The following GRIN3A variants were observed in gnomAD, a reference collection of about 807,000 sequenced individuals.
The protein encoded by GRIN3A is glutamate ionotropic receptor NMDA type subunit 3A, also known as glutamate receptor ionotropic, NMDA 3A.
A neutral mutation model predicts 92.4 loss-of-function variants in GRIN3A; 47 were observed. The ratio of observed to expected loss-of-function variants is 0.51; its 90% CI spans 0.40 to 0.65. GRIN3A has a LOEUF of 0.65. Ranked by LOEUF, GRIN3A falls within the 30% of genes least tolerant of loss-of-function variation. The pLI is 0.00. For missense variants in GRIN3A, 1,324 were observed against 1,393.1 expected, an observed-to-expected ratio of 0.95 and a Z score of 0.79; for synonymous variants, 527 against 540.6, an observed-to-expected ratio of 0.97 and a Z score of 0.35.
At chr9:101,621,624 T>G (rs2118866013) in intron 5 of GRIN3A, among the ~76,000 whole-genome samples, 1 of 152,304 alleles carries the variant, frequency 6.6e-6, no homozygotes, top group East Asian at 1.9e-4. Context: ...TGTTGGGAAC[T>G]GCAAGACACT....
chr9:101,676,490 T>C (rs908532715), intron 2 of GRIN3A, among the ~76,000 whole-genome samples: 1 of 152,006 alleles, frequency 6.6e-6, no homozygotes, highest in Non-Finnish European at 1.5e-5. Flanking sequence ...CCCATGATCA[T>C]CTCATCATAT....
At chr9:101,714,608 C>T (rs1262848591) in intron 1 of GRIN3A, among the ~76,000 whole-genome samples, 3 of 152,020 alleles carry the variant, frequency 2.0e-5, no homozygotes, top group Admixed American at 6.6e-5. Flanking sequence ...AACTATTTGG[C>T]CACCTGATGT....
intron 6 of GRIN3A, among the ~76,000 whole-genome samples, chr9:101,598,874 G>T (rs1385701862): frequency 1.3e-5 from 2 of 152,184 alleles, no homozygotes; most frequent in Non-Finnish European, 2.9e-5. Context: ...CTTGAGAAAT[G>T]CAGTAACCAA....
chr9:101,689,730 GCACA>G, intron 1 of GRIN3A, among the ~76,000 whole-genome samples: 1 of 139,008 alleles, frequency 7.2e-6, no homozygotes, highest in Admixed American at 7.6e-5. Flanking sequence ...GCATACACAT[GCACA>G]CACACACATA....
At chr9:101,585,181 A>G (rs905382582) in intron 6 of GRIN3A, among the ~76,000 whole-genome samples, 5 of 152,228 alleles carry the variant, frequency 3.3e-5, no homozygotes, top group Non-Finnish European at 4.4e-5. Context: ...TTTTCACCTT[A>G]TTCATGTATC....
chr9:101,627,548 G>A (rs1429020467), intron 4 of GRIN3A, among the ~76,000 whole-genome samples: 1 of 152,038 alleles, frequency 6.6e-6, no homozygotes. Context: ...TGATTCCATC[G>A]AGCAGGAGGG....
intron 8 of GRIN3A, among the ~76,000 whole-genome samples, chr9:101,574,569 A>C (rs566706339): frequency 6.6e-6 from 1 of 152,214 alleles, no homozygotes; most frequent in South Asian, 2.1e-4. Context: ...CTGGAAGGAG[A>C]AGGGGAAAGA....
At chr9:101,702,446 C>T (rs887027973) in intron 1 of GRIN3A, among the ~76,000 whole-genome samples, 2 of 152,174 alleles carry the variant, frequency 1.3e-5, no homozygotes, top group African/African-American at 2.4e-5. Flanking sequence ...TATGACTCAC[C>T]TCTACATACC....
rs145462331 is a variant in GRIN3A, at chr9:101,613,648, A to G, written c.2615-121T>C. 234 of 898,434 alleles carry G rather than the reference A, an allele frequency of 2.6e-4. 1 individual carries two copies. In the East Asian group the frequency reaches 4.0e-3, roughly 15 times the overall value. 55.7% of individuals were successfully genotyped at this position (898,434 alleles called of 1,614,324 possible). A position where few individuals can be genotyped will look rare whatever the true frequency, so the allele number is the denominator to read the frequency against. On this transcript the variant is annotated intron_variant, in intron 5 of 8. Transcript: ENST00000361820. The stretch of plus-strand genomic sequence containing the variant: ...AAAAGGGCGTGATGAGTTTTCATCA[A>G]CTTTCTTTCAAAGCACTCAAAGACA...
intron 6 of GRIN3A, among the ~76,000 whole-genome samples, chr9:101,588,018 A>G (rs1181062993): frequency 6.6e-6 from 1 of 152,194 alleles, no homozygotes; most frequent in Non-Finnish European, 1.5e-5. Flanking sequence ...GTGTCTATAC[A>G]TATGGCCCCT....
chr9:101,616,925 G>A (rs1031739363), intron 5 of GRIN3A, among the ~76,000 whole-genome samples: 9 of 150,424 alleles, frequency 6.0e-5, no homozygotes, highest in African/African-American at 1.9e-4. Context: ...AAAGGGCCGG[G>A]CGCAGTGGCT....
Position 101,613,396 on chromosome 9 carries a change from T to C in GRIN3A, c.2746A>G (p.Arg916Gly), listed in dbSNP as rs763532192. The C allele has an allele frequency of 9.9e-6, 16 of 1,614,112 alleles. No homozygotes were observed. Among genetic ancestry groups the C allele is most frequent in the Non-Finnish European group, 1.4e-5 (16 of 1,180,038 alleles). ...CATACCTCCGTGACAGCAAAACTTC[T>C]CTTGCCACAGGGAACCACCCTGTAC... ...KWYRVVPCGK[R>G]SFAVTETLQM... is the part of the protein sequence containing the mutation. Residue 916 changes from arginine to glycine, a missense_variant, in exon 6 of 9, where the codon AGA becomes GGA. Arg to Gly is a moderately radical substitution (Grantham distance 125). Transcript: ENST00000361820.
intron 5 of GRIN3A, among the ~76,000 whole-genome samples, chr9:101,616,527 A>G (rs1828455778): frequency 1.3e-5 from 2 of 152,098 alleles, no homozygotes; most frequent in Non-Finnish European, 2.9e-5. Flanking sequence ...AGCAACAAAT[A>G]ATGTTATTAG....
At chr9:101,707,046 A>G (rs1398917507) in intron 1 of GRIN3A, among the ~76,000 whole-genome samples, 1 of 152,356 alleles carries the variant, frequency 6.6e-6, no homozygotes, top group African/African-American at 2.4e-5. Flanking sequence ...CAATTATTCA[A>G]CAGCCGCTAA....
At chr9:101,717,018 A>G (rs1196999406) in intron 1 of GRIN3A, among the ~76,000 whole-genome samples, 2 of 152,082 alleles carry the variant, frequency 1.3e-5, no homozygotes, top group Non-Finnish European at 2.9e-5. Flanking sequence ...ATTATTTGGG[A>G]CTGTTTTGGA....
chr9:101,594,975 C>T, intron 6 of GRIN3A: 2 of 1,526,060 alleles, frequency 1.3e-6, no homozygotes, highest in Non-Finnish European at 1.8e-6. Context: ...GGAGCAGGGG[C>T]GGTGAGCTCG....
chr9:101,627,384 A>G (rs376380459), intron 4 of GRIN3A, among the ~76,000 whole-genome samples: 1 of 152,140 alleles, frequency 6.6e-6, no homozygotes, highest in South Asian at 2.1e-4. Flanking sequence ...GTTCCATGAA[A>G]TTATTTATTT....
chr9:101,737,876 G>A lies in GRIN3A; in HGVS notation c.104C>T (p.Pro35Leu). The change falls in exon 1 of 9, where the codon CCG becomes CTG. Residue 35 changes from proline (P) to leucine (L), a missense_variant. Pro to Leu is a moderately conservative substitution (Grantham distance 98). Transcript: ENST00000361820. ...GCGCTTGAGGATCTGGCAGGGCTGCGGGTGCGAGGAGGAGCTGGGCACCCC... is the reference window on the plus strand; with the variant it reads ...GCGCTTGAGGATCTGGCAGGGCTGCAGGTGCGAGGAGGAGCTGGGCACCCC... ...LAGVPSSSSH[P>L]QPCQILKRIG... The A allele has an allele frequency of 6.5e-7, 1 of 1,534,124 alleles. No individual in the cohort carries two copies. The highest frequency in any genetic ancestry group is 8.7e-7 in the Non-Finnish European group (1 of 1,146,604).
chr9:101,595,849 G>A (rs1040415151), intron 6 of GRIN3A, among the ~76,000 whole-genome samples: 1 of 151,848 alleles, frequency 6.6e-6, no homozygotes, highest in African/African-American at 2.4e-5. Flanking sequence ...TTGGGGGAAG[G>A]TCTGCAATGT....
Sources: gnomAD v4.1 joint callset for allele counts (sites outside exome capture counted in the v4.1 genomes callset) on GRCh38, gnomAD v4.1.1 for gene constraint, MANE v1.5 for transcripts, NCBI Gene and HGNC (gene_info 2026-07-23, HGNC 2026-07-21) for gene names.